The following TTLL9 variants were observed in gnomAD, a reference collection of about 807,000 sequenced individuals.
The protein encoded by TTLL9 is probable tubulin polyglutamylase TTLL9.
TTLL9 carries 47 observed loss-of-function variants against 65.6 expected under a neutral mutation model. The observed-to-expected ratio is 0.72, with a 90% CI of 0.57 to 0.91. The LOEUF is 0.91. Ranked by LOEUF, TTLL9 falls within the 40% of genes least tolerant of loss-of-function variation. The probability of loss-of-function intolerance (pLI) is 0.00; values close to 1 mark genes in which losing one functional copy is unlikely to be tolerated. For missense variants in TTLL9, 537 were observed against 568.8 expected (o/e 0.94, Z 0.57); for synonymous variants, 179 against 204.8 (o/e 0.87, Z 1.07).
chr20:31,910,626 C>T (rs773722686), intron 6 of TTLL9, among the ~76,000 whole-genome samples: 1 of 152,184 alleles, frequency 6.6e-6, no homozygotes, highest in Non-Finnish European at 1.5e-5. Flanking sequence ...TCCAGTTTTC[C>T]CATCTGCAAA....
At chr20:31,880,566 C>T (rs2063103211) in intron 2 of TTLL9, among the ~76,000 whole-genome samples, 1 of 151,644 alleles carries the variant, frequency 6.6e-6, no homozygotes, top group South Asian at 2.1e-4. Context: ...TATCTCAGCT[C>T]ACTGCAGCCT....
chr20:31,873,334 G>A (rs1230758626), intron 2 of TTLL9, among the ~76,000 whole-genome samples: 2 of 152,126 alleles, frequency 1.3e-5, no homozygotes, highest in Non-Finnish European at 2.9e-5. Context: ...TTCCCCAAAT[G>A]CCCGACCCAT....
At chr20:31,913,934 C>T (rs1054841689) in intron 6 of TTLL9, among the ~76,000 whole-genome samples, 1 of 152,146 alleles carries the variant, frequency 6.6e-6, no homozygotes, top group Non-Finnish European at 1.5e-5. Context: ...TGCGGGGAGG[C>T]GACTGCTTGG....
chr20:31,939,050 T>C (rs2064162957), intron 13 of TTLL9, 92 bp from the exon 14 acceptor site: 4 of 1,399,674 alleles, frequency 2.9e-6, no homozygotes, highest in Middle Eastern at 2.2e-4. Flanking sequence ...CGGACATCAG[T>C]TGGGCTCAGG....
chr20:31,930,845 G>A (rs1039683951), intron 10 of TTLL9, among the ~76,000 whole-genome samples: 7 of 152,104 alleles, frequency 4.6e-5, no homozygotes, highest in Non-Finnish European at 8.8e-5. Flanking sequence ...ACTGAGACCT[G>A]GTTTTAGGTT....
chr20:31,924,391 C>A (rs2063860233), intron 8 of TTLL9, among the ~76,000 whole-genome samples: 1 of 152,168 alleles, frequency 6.6e-6, no homozygotes, highest in Non-Finnish European at 1.5e-5. Context: ...CTCTTTCCCC[C>A]TCCAGACTGT....
chr20:31,943,603 C>A lies in TTLL9; in HGVS notation c.*582C>A. 2 of 382,024 alleles carry A rather than the reference C, an allele frequency of 5.2e-6. No homozygotes were observed. Among genetic ancestry groups the A allele is most frequent in the Non-Finnish European group, 5.2e-6 (1 of 193,710 alleles). 23.7% of individuals were successfully genotyped at this position (382,024 alleles called of 1,614,324 possible). On this transcript the variant is annotated 3_prime_UTR_variant, in exon 15 of 15. Coordinates refer to ENST00000535842, the MANE Select transcript of TTLL9 (RefSeq NM_001008409.5). ...AACACATCCTCTTCTCCTTGCATGTCAGGGGAGCCCATGGGGCTCCCTGAC... is the reference window on the plus strand; with the variant it reads ...AACACATCCTCTTCTCCTTGCATGTAAGGGGAGCCCATGGGGCTCCCTGAC...
intron 3 of TTLL9, among the ~76,000 whole-genome samples, chr20:31,890,667 G>C (rs748674120): frequency 6.6e-6 from 1 of 152,220 alleles, no homozygotes; most frequent in Non-Finnish European, 1.5e-5. Flanking sequence ...GGTAATTGCT[G>C]TGGACAGTGG....
At chr20:31,874,339 G>A (rs2063007996) in intron 2 of TTLL9, among the ~76,000 whole-genome samples, 1 of 151,342 alleles carries the variant, frequency 6.6e-6, no homozygotes, top group African/African-American at 2.4e-5. Context: ...TTGTAACTGT[G>A]AATGTTATAT....
In TTLL9 at chr20:31,939,221, C is replaced by A. The variant is rs1276413549; in HGVS notation, c.1198C>A (p.Pro400Thr). ...CCCTGTTAGCAGAGAGGAGGGGGCT[C>A]CTGACCTGTCGGGAATGGGAAACTT... Reference protein sequence around the residue: ...DGPVSREEGAPDLSGMGNFVT... With the variant: ...DGPVSREEGATDLSGMGNFVT... Residue 400 changes from proline to threonine, a missense_variant, in exon 14 of 15, where the codon CCT (proline) becomes ACT (threonine). Pro to Thr is a conservative substitution (Grantham distance 38). Transcript: ENST00000535842. The A allele has an allele frequency of 6.2e-7, 1 of 1,613,484 alleles. No homozygotes were observed. Among genetic ancestry groups the A allele is most frequent in the African/African-American group, 1.3e-5 (1 of 74,914 alleles).
chr20:31,879,622 G>C, intron 2 of TTLL9: 1 of 519,024 alleles, frequency 1.9e-6, no homozygotes, highest in South Asian at 2.7e-5. Context: ...GCCAGCCTCT[G>C]AACGAACTGC....
intron 3 of TTLL9, among the ~76,000 whole-genome samples, chr20:31,892,798 C>A (rs1245747044): frequency 6.6e-6 from 1 of 152,196 alleles, no homozygotes; most frequent in African/African-American, 2.4e-5. Context: ...TCACAGTCTA[C>A]CTTGAAGCAT....
At chr20:31,890,657 G>C (rs1430469495) in intron 3 of TTLL9, among the ~76,000 whole-genome samples, 1 of 152,188 alleles carries the variant, frequency 6.6e-6, no homozygotes, top group Non-Finnish European at 1.5e-5. Flanking sequence ...ATCATCGACA[G>C]GTAATTGCTG....
chr20:31,895,933 G>A (rs1043210878), intron 3 of TTLL9, among the ~76,000 whole-genome samples: 2 of 148,888 alleles, frequency 1.3e-5, no homozygotes, highest in African/African-American at 2.5e-5. Context: ...TCCATCTCCC[G>A]GGTTCAAGCG....
At chr20:31,923,093 G>A in intron 8 of TTLL9, 40 bp downstream of exon 8, 1 of 1,487,874 alleles carries the variant, frequency 6.7e-7, no homozygotes, top group Non-Finnish European at 9.4e-7. Flanking sequence ...CCATTGCATG[G>A]TCATCAAACA....
Position 31,939,271 on chromosome 20 carries a change from G to C in TTLL9, c.1243+5G>C, listed in dbSNP as rs377550820. On this transcript the variant is annotated splice_donor_5th_base_variant and intron_variant, in intron 14 of 14. Transcript: ENST00000535842. ...TTGTGACCAACACACATCTCGGTAT[G>C]TAGGGCCAGGTGGGGAGTGGGCACA... The C allele has an allele frequency of 6.0e-5, 96 of 1,613,264 alleles. No individual in the cohort carries two copies. The highest frequency in any genetic ancestry group is 7.8e-5 in the Non-Finnish European group (92 of 1,179,764).
chr20:31,909,125 ATTTT>A (rs11476481), intron 5 of TTLL9, among the ~76,000 whole-genome samples: 4 of 79,378 alleles, frequency 5.0e-5, no homozygotes, highest in Non-Finnish European at 9.5e-5. Flanking sequence ...TGAAAGCATG[ATTTT>A]TTTTTTTTTT....
chr20:31,943,055 G>A lies in TTLL9; in HGVS notation c.*34G>A. On this transcript the variant is annotated 3_prime_UTR_variant, in exon 15 of 15. Transcript: ENST00000535842. Reference sequence around the variant, plus strand: ...TGCCAGGAGGAAATCAGCCTTAGCAGGTGCCACCCAGGCCTCCCCCCCACT... The same window carrying A: ...TGCCAGGAGGAAATCAGCCTTAGCAAGTGCCACCCAGGCCTCCCCCCCACT... 6.2e-7 allele frequency: 1 copy of A among 1,604,938 alleles called. No homozygotes were observed. Among genetic ancestry groups the A allele is most frequent in the East Asian group, 2.2e-5 (1 of 44,844 alleles).
intron 2 of TTLL9, among the ~76,000 whole-genome samples, chr20:31,873,793 AAAGG>A (rs869090935): frequency 0.017 from 2,226 of 127,422 alleles, 63 homozygotes; most frequent in African/African-American, 0.024. Context: ...AAAAAGAAAG[AAAGG>A]AAGGAAGGAA....
Sources: gnomAD v4.1 joint callset for allele counts (sites outside exome capture counted in the v4.1 genomes callset) on GRCh38, gnomAD v4.1.1 for gene constraint, MANE v1.5 for transcripts, NCBI Gene and HGNC (gene_info 2026-07-23, HGNC 2026-07-21) for gene names.